The following XYLT1 variants were observed in gnomAD, a reference collection of about 807,000 sequenced individuals.
The protein encoded by XYLT1 is xylosyltransferase 1.
XYLT1 carries 36 observed loss-of-function variants against 91.3 expected under a neutral mutation model. That is an observed-to-expected ratio of 0.39 (90% CI 0.30 to 0.52). XYLT1 has a LOEUF of 0.52. Ranked by LOEUF, XYLT1 falls within the 20% of genes least tolerant of loss-of-function variation. The pLI is 0.68. For synonymous variants in XYLT1, 588 were observed against 532.0 expected, an observed-to-expected ratio of 1.11 and a Z score of -1.45; for missense variants, 1,242 against 1,284.5, an observed-to-expected ratio of 0.97 and a Z score of 0.51.
chr16:17,154,824 C>G (rs952751005), intron 6 of XYLT1, among the ~76,000 whole-genome samples: 15 of 152,172 alleles, frequency 9.9e-5, no homozygotes, highest in Non-Finnish European at 4.4e-5. Flanking sequence ...GAGATGAAGA[C>G]AGAAGGTCAA....
At chr16:17,184,194 T>TTC (rs2032131260) in intron 5 of XYLT1, among the ~76,000 whole-genome samples, 2 of 150,254 alleles carry the variant, frequency 1.3e-5, no homozygotes, top group East Asian at 1.9e-4. Context: ...GCTTTTTTTT[T>TTC]TTTTTTTTTT....
intron 7 of XYLT1, among the ~76,000 whole-genome samples, chr16:17,139,074 C>T (rs2030880761): frequency 6.6e-6 from 1 of 152,140 alleles, no homozygotes; most frequent in South Asian, 2.1e-4. Flanking sequence ...TCTCCCTAAT[C>T]CCAGGATTCT....
chr16:17,287,686 G>A (rs2034162177), intron 2 of XYLT1, among the ~76,000 whole-genome samples: 1 of 152,180 alleles, frequency 6.6e-6, no homozygotes, highest in Non-Finnish European at 1.5e-5. Context: ...ACTGTGTGGG[G>A]CTCCTGGAGA....
At chr16:17,263,705 T>C (rs1596455667) in intron 2 of XYLT1, among the ~76,000 whole-genome samples, 1 of 151,848 alleles carries the variant, frequency 6.6e-6, no homozygotes, top group East Asian at 1.9e-4. Context: ...CAATTCATTT[T>C]TTTCTTTTCT....
Position 17,138,344 on chromosome 16 carries a change from G to GAA in XYLT1, c.1764+9_1764+10dup, listed in dbSNP as rs770726735. The GAA allele has an allele frequency of 2.6e-5, 41 of 1,605,928 alleles. No individual in the cohort carries two copies. The highest frequency in any genetic ancestry group is 3.4e-5 in the Non-Finnish European group (40 of 1,173,830). Reference sequence around the variant, plus strand: ...CACTTAGGAGGCTGGCAGACCATGAGAAAGTCTCACCTGGAAGCGGTGGAA... The same window carrying GAA: ...CACTTAGGAGGCTGGCAGACCATGAGAAAAAGTCTCACCTGGAAGCGGTGGAA... On this transcript the variant is annotated intron_variant, in intron 8 of 11. Transcript: ENST00000261381.
At chr16:17,420,623 T>G (rs548610747) in intron 1 of XYLT1, among the ~76,000 whole-genome samples, 23 of 152,268 alleles carry the variant, frequency 1.5e-4, no homozygotes, top group African/African-American at 5.3e-4. Context: ...ATGCAACCTC[T>G]CTTCCTATTA....
chr16:17,216,637 C>A (rs2032866479), intron 3 of XYLT1, among the ~76,000 whole-genome samples: 1 of 152,186 alleles, frequency 6.6e-6, no homozygotes, highest in African/African-American at 2.4e-5. Flanking sequence ...CGGCCAAGCC[C>A]TGTACACATA....
intron 3 of XYLT1, among the ~76,000 whole-genome samples, chr16:17,238,178 T>C (rs777499037): frequency 8.5e-5 from 13 of 152,230 alleles, no homozygotes; most frequent in Non-Finnish European, 1.8e-4. Context: ...AAATCTGTAA[T>C]TTATTCCCAT....
intron 2 of XYLT1, among the ~76,000 whole-genome samples, chr16:17,316,636 A>G (rs1340370550): frequency 6.6e-6 from 1 of 151,770 alleles, no homozygotes; most frequent in African/African-American, 2.4e-5. Context: ...GCCTCAAGTG[A>G]TCCTCCTGCC....
intron 2 of XYLT1, among the ~76,000 whole-genome samples, chr16:17,299,733 A>G (rs1208928281): frequency 6.6e-6 from 1 of 152,184 alleles, no homozygotes; most frequent in Non-Finnish European, 1.5e-5. Flanking sequence ...AACTGCCAGA[A>G]CATAGCTCTT....
chr16:17,270,829 G>A, intron 2 of XYLT1, among the ~76,000 whole-genome samples: 1 of 152,210 alleles, frequency 6.6e-6, no homozygotes, highest in Admixed American at 6.5e-5. Context: ...TGCTAGGACG[G>A]CAGAGTTGTG....
chr16:17,181,662 G>T (rs958580135), intron 5 of XYLT1, among the ~76,000 whole-genome samples: 12 of 152,182 alleles, frequency 7.9e-5, no homozygotes, highest in Non-Finnish European at 1.5e-4. Flanking sequence ...CTGAGGGTAG[G>T]ATTACTTAGT....
At chr16:17,361,002 G>A (rs935556973) in intron 1 of XYLT1, among the ~76,000 whole-genome samples, 3 of 152,166 alleles carry the variant, frequency 2.0e-5, no homozygotes, top group Non-Finnish European at 4.4e-5. Context: ...GGGGAACCAG[G>A]TGCACTGAAT....
chr16:17,271,722 T>C (rs887423305), intron 2 of XYLT1, among the ~76,000 whole-genome samples: 1 of 152,138 alleles, frequency 6.6e-6, no homozygotes, highest in Admixed American at 6.5e-5. Context: ...AAATGTCTCC[T>C]GGAGTAGGAG....
chr16:17,258,853 C>A lies in XYLT1; in HGVS notation c.913+135G>T, dbSNP rs986283207. On this transcript the variant is annotated intron_variant, in intron 3 of 11. Transcript: ENST00000261381. The stretch of plus-strand genomic sequence containing the variant: ...CAGGGAGTACTAGAACACATCAGAT[C>A]TCGTGTGCTCATCTGGGGTTTGGAA... The A allele has an allele frequency of 2.7e-6, 3 of 1,125,088 alleles. No individual in the cohort carries two copies. The African/African-American group carries it at 4.7e-5, about 18-fold the overall frequency. The allele number at this position is 1,125,088 out of a possible 1,614,324, so 69.7% of individuals were successfully genotyped here.
chr16:17,219,465 G>C (rs1010293881), intron 3 of XYLT1, among the ~76,000 whole-genome samples: 5 of 152,074 alleles, frequency 3.3e-5, no homozygotes, highest in Admixed American at 6.5e-5. Context: ...TCATTGAGGG[G>C]ATAACCATTA....
rs1192452435 is a variant in XYLT1 at position 17,337,774 on chromosome 16, TCTTTTTC to T, written c.402+20231_402+20237del. Among the ~76,000 whole-genome samples, 291 of 110,582 alleles carry T rather than the reference TCTTTTTC, an allele frequency of 2.6e-3. 2 individuals are homozygous for T. The highest frequency in any genetic ancestry group is 0.012 in the African/African-American group (277 of 22,786). 72.5% of individuals were successfully genotyped at this position (110,582 alleles called of 152,430 possible). ...CCTACTTTGTCTGTTCCACATTTTT[TCTTTTTC>T]TTTTTTTTTTTTTTTGTGAGACAGA... On this transcript the variant is annotated intron_variant, in intron 2 of 11. Coordinates refer to ENST00000261381, the MANE Select transcript of XYLT1 (RefSeq NM_022166.4).
At chr16:17,140,672 A>T (rs977558827) in intron 7 of XYLT1, among the ~76,000 whole-genome samples, 19 of 146,530 alleles carry the variant, frequency 1.3e-4, no homozygotes, top group Admixed American at 1.3e-3. Context: ...AAAAAAAAAA[A>T]AAAAAAAAAA....
At chr16:17,324,689 A>G (rs1056125608) in intron 2 of XYLT1, among the ~76,000 whole-genome samples, 1 of 152,130 alleles carries the variant, frequency 6.6e-6, no homozygotes, top group African/African-American at 2.4e-5. Flanking sequence ...AAGATCCCCC[A>G]CGGTCATTGG....
Sources: gnomAD v4.1 joint callset for allele counts (sites outside exome capture counted in the v4.1 genomes callset) on GRCh38, gnomAD v4.1.1 for gene constraint, MANE v1.5 for transcripts, NCBI Gene and HGNC (gene_info 2026-07-23, HGNC 2026-07-21) for gene names.